Variants in ANXA8 observed in about 807,000 individuals in gnomAD.
ANXA8 encodes the protein VAC-beta.
A neutral mutation model predicts 26.8 loss-of-function variants in ANXA8; 9 were observed. The ratio of observed to expected loss-of-function variants is 0.34; its 90% confidence interval spans 0.20 to 0.59. The LOEUF (loss-of-function observed/expected upper bound fraction) is 0.59. ANXA8 is among the 20% of genes least tolerant of loss of function. ANXA8 has a pLI of 0.84. For missense variants in ANXA8, 83 were observed against 238.5 expected (o/e 0.35, Z 4.29); for synonymous variants, 39 against 94.8 (o/e 0.41, Z 3.42).
At chr10:47,696,804 C>T in the ANXA8 span, among the ~76,000 whole-genome samples, 1 of 149,254 alleles carries the variant, frequency 6.7e-6, no homozygotes. Context: ...ATCTATAGAC[C>T]ATTTCTCCAG....
At chr10:47,966,938 A>G in the ANXA8 span, among the ~76,000 whole-genome samples, 4 of 147,582 alleles carry the variant, frequency 2.7e-5, no homozygotes, top group African/African-American at 9.8e-5. Context: ...CATAACTTGC[A>G]TATGAATGAA....
At chr10:47,976,353 G>A in the ANXA8 span, among the ~76,000 whole-genome samples, 2 of 151,190 alleles carry the variant, frequency 1.3e-5, no homozygotes, top group South Asian at 2.1e-4. Flanking sequence ...AGCAAATTTT[G>A]TGGTGTTTTA....
chr10:47,733,171 T>TTCTTTCTTTCTTTCTCTCTCTCTC, the ANXA8 span, among the ~76,000 whole-genome samples: 34 of 100,898 alleles, frequency 3.4e-4, no homozygotes, highest in African/African-American at 9.9e-4. Context: ...CTTTCTTTCT[T>TTCTTTCTTTCTTTCTCTCTCTCTC]TCTTTCTTTC....
chr10:47,679,040 C>A, the ANXA8 span, among the ~76,000 whole-genome samples: 1 of 82,670 alleles, frequency 1.2e-5, no homozygotes, highest in Non-Finnish European at 2.4e-5. Flanking sequence ...GAGAACCTAT[C>A]TCAAAAAAAA....
At chr10:47,942,026 A>G in the ANXA8 span, among the ~76,000 whole-genome samples, 2 of 147,750 alleles carry the variant, frequency 1.4e-5, no homozygotes, top group Non-Finnish European at 3.0e-5. Context: ...GCTATCTATT[A>G]AATATTTTAA....
chr10:47,591,227 A>G, the ANXA8 span, among the ~76,000 whole-genome samples: 2 of 145,516 alleles, frequency 1.4e-5, no homozygotes, highest in Non-Finnish European at 2.9e-5. Context: ...GGGTCACTTC[A>G]GGCCTTCCCA....
the ANXA8 span, among the ~76,000 whole-genome samples, chr10:47,741,684 C>T: frequency 7.2e-6 from 1 of 138,082 alleles, no homozygotes; most frequent in East Asian, 2.2e-4. Flanking sequence ...GAGGGATGGC[C>T]TATACAAGTT....
At chr10:47,683,314 C>G in the ANXA8 span, among the ~76,000 whole-genome samples, 58 of 149,708 alleles carry the variant, frequency 3.9e-4, no homozygotes, top group South Asian at 1.3e-3. Context: ...CTGCAAGCTC[C>G]GCCTCCCTGG....
the ANXA8 span, among the ~76,000 whole-genome samples, chr10:47,520,838 T>TAA: frequency 2.2e-5 from 2 of 89,350 alleles, no homozygotes; most frequent in Non-Finnish European, 4.2e-5. Context: ...CTCCTTTATT[T>TAA]AAAAAAAAAA....
the ANXA8 span, among the ~76,000 whole-genome samples, chr10:47,892,647 CA>C: frequency 1.4e-5 from 2 of 147,256 alleles, no homozygotes; most frequent in Admixed American, 1.4e-4. Context: ...GGAGCCCCAG[CA>C]GATTCTGTGA....
chr10:47,612,564 C>T, the ANXA8 span, among the ~76,000 whole-genome samples: 1 of 72,814 alleles, frequency 1.4e-5, no homozygotes, highest in Non-Finnish European at 3.5e-5. Flanking sequence ...TTTGAATGTT[C>T]CCCCCAAAAC....
chr10:47,695,811 A>G, the ANXA8 span, among the ~76,000 whole-genome samples: 1 of 151,696 alleles, frequency 6.6e-6, no homozygotes, highest in Non-Finnish European at 1.5e-5. Flanking sequence ...ACCTGTTGGT[A>G]TGTTTAGTTC....
At chr10:47,980,891 AT>A in the ANXA8 span, among the ~76,000 whole-genome samples, 56 of 151,618 alleles carry the variant, frequency 3.7e-4, 3 homozygotes, top group Admixed American at 3.3e-3. Flanking sequence ...TTTCCCAAAC[AT>A]TTAAAAAAGA....
At chr10:47,966,291 T>C in the ANXA8 span, among the ~76,000 whole-genome samples, 1,173 of 141,770 alleles carry the variant, frequency 8.3e-3, no homozygotes, top group African/African-American at 0.028. Context: ...ATCAGGGAGA[T>C]GGGTGGATGG....
the ANXA8 span, chr10:47,502,090 G>C: frequency 3.8e-6 from 6 of 1,567,820 alleles, 1 homozygote; most frequent in African/African-American, 8.5e-5. Flanking sequence ...CGCACTCGTC[G>C]GGGCAGCCGT....
the ANXA8 span, among the ~76,000 whole-genome samples, chr10:47,645,346 G>A: frequency 6.8e-6 from 1 of 147,882 alleles, no homozygotes; most frequent in African/African-American, 2.6e-5. Context: ...GGAAGCTTAG[G>A]TAGTAACGTA....
chr10:47,776,827 T>C, the ANXA8 span, among the ~76,000 whole-genome samples: 2 of 151,758 alleles, frequency 1.3e-5, no homozygotes, highest in African/African-American at 4.8e-5. Context: ...GAAGTTTCTT[T>C]CTCCCTCACC....
At chr10:47,947,642 G>A in the ANXA8 span, among the ~76,000 whole-genome samples, 29 of 150,862 alleles carry the variant, frequency 1.9e-4, no homozygotes, top group East Asian at 6.1e-4. Context: ...CTCCTGCTCC[G>A]CCATGTGAAG....
upstream of ANXA8, among the ~76,000 whole-genome samples, chr10:47,485,830 C>A (rs1840031692): frequency 6.6e-6 from 1 of 151,862 alleles, no homozygotes; most frequent in African/African-American, 2.4e-5. Flanking sequence ...TATTCTGGGC[C>A]AGGTGCGGTG....
Sources: allele counts gnomAD v4.1 joint callset (sites outside exome capture counted in the v4.1 genomes callset), GRCh38; gene constraint gnomAD v4.1.1; transcripts MANE v1.5; gene names NCBI Gene and HGNC (gene_info 2026-07-23, HGNC 2026-07-21).